Variants in FBN1 observed in about 807,000 individuals in gnomAD.
The protein encoded by FBN1 is fibrillin-1.
Under a neutral mutation model 365.1 loss-of-function variants are expected in FBN1, and 29 were observed. The ratio of observed to expected loss-of-function variants is 0.08; its 90% CI spans 0.06 to 0.11. The LOEUF (loss-of-function observed/expected upper bound fraction) is 0.11, where lower values mean the gene tolerates loss of function less well. FBN1 is among the 10% of genes least tolerant of loss of function. The probability of loss-of-function intolerance (pLI) is 1.00; values close to 1 mark genes in which losing one functional copy is unlikely to be tolerated. For synonymous variants in FBN1, 1,210 were observed against 1,270.5 expected (o/e 0.95, Z 1.01); for missense variants, 2,476 against 3,703.2 (o/e 0.67, Z 8.60).
At chr15:48,495,975 C>G in intron 20 of FBN1, 125 bp downstream of exon 20, 2 of 1,275,892 alleles carry the variant, frequency 1.6e-6, no homozygotes, top group Non-Finnish European at 1.1e-6. Context: ...TGTAGAACCA[C>G]AGAATTTCAA....
chr15:48,541,553 G>A (rs1262579880), intron 6 of FBN1, among the ~76,000 whole-genome samples: 1 of 152,094 alleles, frequency 6.6e-6, no homozygotes, highest in Non-Finnish European at 1.5e-5. Flanking sequence ...CCGATTTGGC[G>A]GCATGTGCTT....
chr15:48,539,385 C>G lies in FBN1; in HGVS notation c.539-1577G>C, dbSNP rs77327938. Among the ~76,000 whole-genome samples, 2,504 of 152,298 alleles carry G rather than the reference C, an allele frequency of 0.016. 203 individuals are homozygous for G. The East Asian group carries it at 0.24, about 15-fold the overall frequency. On this transcript the variant is annotated intron_variant, in intron 6 of 65. Transcript: ENST00000316623. ...CCAAGCTATGGCAGCACTGGAGAGA[C>G]AGACAGGATGGTCCAAATGCCGAGT...
intron 46 of FBN1, among the ~76,000 whole-genome samples, chr15:48,448,104 G>A (rs1290211080): frequency 2.6e-5 from 4 of 152,098 alleles, no homozygotes; most frequent in African/African-American, 9.7e-5. Flanking sequence ...GATGAACCCA[G>A]TCATAGCCAA....
rs757956942 is a variant in FBN1, at chr15:48,415,787, C to A, written c.7820-20G>T. The stretch of plus-strand genomic sequence containing the variant: ...TTTCATCTGCAGGCAAAATAAGAAG[C>A]GGCATGTGTGGCAGCAGCCAGAGAT... On this transcript the variant is annotated intron_variant, in intron 63 of 65. Coordinates refer to ENST00000316623, the MANE Select transcript of FBN1 (RefSeq NM_000138.5). 1 of 1,593,056 alleles carries A rather than the reference C, an allele frequency of 6.3e-7. No homozygotes were observed. The highest frequency in any genetic ancestry group is 2.2e-5 in the East Asian group (1 of 44,790).
chr15:48,506,199 C>T (rs2043706267), intron 15 of FBN1, among the ~76,000 whole-genome samples: 1 of 151,948 alleles, frequency 6.6e-6, no homozygotes, highest in Non-Finnish European at 1.5e-5. Context: ...CTCCATCCAG[C>T]CTGGGAGACA....
chr15:48,417,346 T>G (rs2042909850), intron 63 of FBN1, among the ~76,000 whole-genome samples: 1 of 152,198 alleles, frequency 6.6e-6, no homozygotes, highest in South Asian at 2.1e-4. Context: ...CCTGCCTGCC[T>G]GCCTGCCTTC....
At chr15:48,508,531 G>A (rs756110883) in intron 15 of FBN1, 51 bp downstream of exon 15, 4 of 1,611,718 alleles carry the variant, frequency 2.5e-6, no homozygotes, top group East Asian at 4.5e-5. Flanking sequence ...AACAACATAA[G>A]GAGGAGAAAA....
At chr15:48,419,036 A>T (rs2042920910) in intron 63 of FBN1, among the ~76,000 whole-genome samples, 1 of 152,176 alleles carries the variant, frequency 6.6e-6, no homozygotes, top group African/African-American at 2.4e-5. Context: ...CCTGGGAGTG[A>T]GGATCCAGGG....
Position 48,456,311 on chromosome 15 carries a change from C to G in FBN1, c.5422+326G>C, listed in dbSNP as rs1453447646. Among the ~76,000 whole-genome samples the G allele has an allele frequency of 2.6e-5, 4 of 152,192 alleles. No homozygotes were observed. The East Asian group carries it at 7.7e-4, about 29-fold the overall frequency. ...CAACTAGGATGACTGTCCACTCATA[C>G]TGATTTTCCAGCAATGTGAAACGAA... On this transcript the variant is annotated intron_variant, in intron 44 of 65. Transcript: ENST00000316623.
rs567477444 is a variant in FBN1, at chr15:48,540,002, G to A, written c.539-2194C>T. 4.6e-5 allele frequency among the ~76,000 whole-genome samples: 7 copies of A among 152,164 alleles called. No individual in the cohort carries two copies. In the South Asian group the frequency reaches 6.2e-4, roughly 14 times the overall value. On this transcript the variant is annotated intron_variant, in intron 6 of 65. Coordinates refer to ENST00000316623, the MANE Select transcript of FBN1 (RefSeq NM_000138.5). ...TTGAATAAATCTCAGCCCTCATTTC[G>A]TTCTTTCGATGAAGAAAAAGTCACT...
At chr15:48,500,415 C>T (rs887596237) in intron 17 of FBN1, among the ~76,000 whole-genome samples, 1 of 150,880 alleles carries the variant, frequency 6.6e-6, no homozygotes, top group Non-Finnish European at 1.5e-5. Context: ...GATGACAACG[C>T]TAATTGCTGG....
chr15:48,450,081 T>C (rs1213352917), intron 45 of FBN1, among the ~76,000 whole-genome samples: 1 of 152,200 alleles, frequency 6.6e-6, no homozygotes, highest in East Asian at 1.9e-4. Context: ...TATGCAGAAA[T>C]GCTATTTAAC....
chr15:48,546,688 G>A (rs1465074829), intron 6 of FBN1, among the ~76,000 whole-genome samples: 1 of 152,194 alleles, frequency 6.6e-6, no homozygotes, highest in Non-Finnish European at 1.5e-5. Flanking sequence ...TTTGAGAAGT[G>A]TGCTCCTTTA....
intron 2 of FBN1, among the ~76,000 whole-genome samples, chr15:48,638,875 C>G (rs1287986559): frequency 2.0e-5 from 3 of 152,146 alleles, no homozygotes; most frequent in Admixed American, 6.5e-5. Context: ...CTCAGAAGCC[C>G]ACACAACGCC....
chr15:48,615,701 T>C (rs772662599), intron 2 of FBN1, among the ~76,000 whole-genome samples: 6 of 152,190 alleles, frequency 3.9e-5, no homozygotes, highest in Non-Finnish European at 5.9e-5. Flanking sequence ...TACACTGTGT[T>C]TTAAAATAAC....
At chr15:48,569,429 A>G (rs1474179518) in intron 6 of FBN1, among the ~76,000 whole-genome samples, 3 of 152,174 alleles carry the variant, frequency 2.0e-5, no homozygotes, top group Non-Finnish European at 4.4e-5. Context: ...AAAAAGTTAA[A>G]TATAAACTTG....
chr15:48,496,175 T>C lies in FBN1; in HGVS notation c.2344A>G (p.Arg782Gly), dbSNP rs752891726. ...NSLLCDNGQC[R>G]NTPGSFVCTC... is the part of the protein sequence containing the mutation. ...CAGACAAAACTTCCAGGAGTATTTC[T>C]ACATTGTCCATTGTCACAAAGGAGA... Residue 782 changes from arginine to glycine, a missense_variant, in exon 20 of 66, where the codon AGA (arginine) becomes GGA (glycine). Physicochemically the swap from Arg to Gly is moderately radical, Grantham distance 125. Transcript: ENST00000316623. 7 of 1,613,832 alleles carry C rather than the reference T, an allele frequency of 4.3e-6. No individual in the cohort carries two copies. The Admixed American group carries it at 6.7e-5, about 15-fold the overall frequency.
chr15:48,431,328 T>C (rs2043021583), intron 55 of FBN1, among the ~76,000 whole-genome samples: 1 of 151,944 alleles, frequency 6.6e-6, no homozygotes, highest in African/African-American at 2.4e-5. Context: ...CTCAAACTCC[T>C]GGCCTCAAGT....
At chr15:48,636,734 G>C (rs1488932595) in intron 2 of FBN1, among the ~76,000 whole-genome samples, 1 of 152,168 alleles carries the variant, frequency 6.6e-6, no homozygotes, top group African/African-American at 2.4e-5. Flanking sequence ...CCTGGTCACA[G>C]AACCAGATGC....
Sources: allele counts gnomAD v4.1 joint callset (sites outside exome capture counted in the v4.1 genomes callset), GRCh38; gene constraint gnomAD v4.1.1; transcripts MANE v1.5; gene names NCBI Gene and HGNC (gene_info 2026-07-23, HGNC 2026-07-21).